Variants in XPO7 observed in about 807,000 individuals in gnomAD.
XPO7 encodes exportin-7.
XPO7 carries 21 observed loss-of-function variants against 144.3 expected under a neutral mutation model. The ratio of observed to expected loss-of-function variants is 0.15; its 90% CI spans 0.10 to 0.21. The LOEUF is 0.21. XPO7 is among the 10% of genes least tolerant of loss of function. The pLI is 1.00. For synonymous variants in XPO7, 580 were observed against 499.6 expected (o/e 1.16, Z -2.15); for missense variants, 808 against 1,325.8 (o/e 0.61, Z 6.06).
intron 1 of XPO7, among the ~76,000 whole-genome samples, chr8:21,953,913 A>G (rs1052146539): frequency 3.3e-5 from 5 of 152,182 alleles, no homozygotes; most frequent in Admixed American, 6.5e-5. Context: ...GTCCTGTATC[A>G]GATTTTTGCA....
At chr8:21,990,663 G>T in intron 17 of XPO7, 148 bp from the exon 18 acceptor site, 1 of 808,518 alleles carries the variant, frequency 1.2e-6, no homozygotes, top group Non-Finnish European at 1.9e-6. Context: ...ACGGTAGCCT[G>T]CCTTCAAAAA....
chr8:21,984,856 C>T lies in XPO7; in HGVS notation c.1471+17C>T. 1 of 1,612,102 alleles carries T rather than the reference C, an allele frequency of 6.2e-7. No homozygotes were observed. Among genetic ancestry groups the T allele is most frequent in the Non-Finnish European group, 8.5e-7 (1 of 1,179,314 alleles). ...TGCAGGAGGGTGAGTGTGCAGCGTG[C>T]TGGGAACTCTAGACCTGTGAGGAGA... On this transcript the variant is annotated intron_variant, in intron 12 of 27. Transcript: ENST00000252512.
At chr8:21,996,985 T>G (rs1181825377) in intron 21 of XPO7, among the ~76,000 whole-genome samples, 2 of 152,106 alleles carry the variant, frequency 1.3e-5, no homozygotes, top group Non-Finnish European at 2.9e-5. Context: ...ATTTTCTATT[T>G]TTAGTAGAGA....
intron 1 of XPO7, among the ~76,000 whole-genome samples, chr8:21,965,276 A>G (rs190563402): frequency 1.3e-5 from 2 of 152,246 alleles, no homozygotes; most frequent in East Asian, 3.9e-4. Context: ...TTCAATTCTC[A>G]ATAAGGTCTT....
intron 1 of XPO7, among the ~76,000 whole-genome samples, chr8:21,949,617 C>T (rs576779616): frequency 6.6e-6 from 1 of 152,288 alleles, no homozygotes; most frequent in Admixed American, 6.5e-5. Context: ...GTGTTAAAGG[C>T]CACGTGGTTC....
At chr8:21,975,484 T>C (rs1812198180) in intron 6 of XPO7, among the ~76,000 whole-genome samples, 1 of 152,208 alleles carries the variant, frequency 6.6e-6, no homozygotes, top group Non-Finnish European at 1.5e-5. Context: ...CTAAATAGGG[T>C]TAGCCTCTGG....
At chr8:21,952,011 T>A (rs1016428060) in intron 1 of XPO7, among the ~76,000 whole-genome samples, 4 of 152,136 alleles carry the variant, frequency 2.6e-5, no homozygotes, top group Non-Finnish European at 5.9e-5. Context: ...TGTGCAAAAA[T>A]GTGGCGTTAA....
At chr8:21,933,760 A>G (rs1810730715) in intron 1 of XPO7, among the ~76,000 whole-genome samples, 2 of 152,204 alleles carry the variant, frequency 1.3e-5, no homozygotes, top group Non-Finnish European at 2.9e-5. Flanking sequence ...CTGTGTGTCC[A>G]TGGTATTCAG....
At chr8:21,979,551 G>A (rs1223792725) in intron 8 of XPO7, among the ~76,000 whole-genome samples, 2 of 151,726 alleles carry the variant, frequency 1.3e-5, no homozygotes. Context: ...GGGATTACAC[G>A]TGCCTGCCAC....
chr8:21,939,116 C>G (rs949604685), intron 1 of XPO7, among the ~76,000 whole-genome samples: 2 of 151,844 alleles, frequency 1.3e-5, no homozygotes, highest in Non-Finnish European at 2.9e-5. Context: ...CTCTTCTATT[C>G]TTATTTTGTT....
intron 1 of XPO7, among the ~76,000 whole-genome samples, chr8:21,958,446 A>G (rs1328191043): frequency 6.6e-6 from 1 of 152,208 alleles, no homozygotes; most frequent in Non-Finnish European, 1.5e-5. Flanking sequence ...AAGCACAGTA[A>G]CTCATGACTG....
intron 1 of XPO7, among the ~76,000 whole-genome samples, chr8:21,922,363 T>C (rs552816217): frequency 1.3e-5 from 2 of 152,214 alleles, no homozygotes; most frequent in Admixed American, 6.5e-5. Flanking sequence ...CTGTTGATGT[T>C]ACAGGCAAGT....
At position 21,951,101 on chromosome 8, in the gene XPO7, A is replaced by G. The variant is rs1811355692; in HGVS notation, c.19-15756A>G. On this transcript the variant is annotated intron_variant, in intron 1 of 27. Transcript: ENST00000252512. ...ACAGAGCGAGTAAATTTAATTAATT[A>G]ATTAATTAATTAATTAAGGAAGTAC... Among the ~76,000 whole-genome samples the G allele has an allele frequency of 3.9e-5, 6 of 152,048 alleles. No homozygotes were observed. In the South Asian group the frequency reaches 1.2e-3, roughly 32 times the overall value.
intron 19 of XPO7, among the ~76,000 whole-genome samples, chr8:21,992,903 C>G (rs910282939): frequency 6.6e-6 from 1 of 152,120 alleles, no homozygotes; most frequent in Non-Finnish European, 1.5e-5. Flanking sequence ...CTCAGGGCAC[C>G]AAGGCTGAAT....
intron 1 of XPO7, among the ~76,000 whole-genome samples, chr8:21,948,183 A>G (rs1291877500): frequency 6.6e-6 from 1 of 152,250 alleles, no homozygotes; most frequent in Admixed American, 6.5e-5. Flanking sequence ...GCAGTCATGC[A>G]CTGAATAGTG....
chr8:21,966,410 A>G (rs1418588783), intron 1 of XPO7: 3 of 706,168 alleles, frequency 4.2e-6, no homozygotes, highest in Admixed American at 2.2e-5. Flanking sequence ...ACTACTACTC[A>G]AAGGAATATT....
At chr8:21,936,230 A>G (rs1810817975) in intron 1 of XPO7, among the ~76,000 whole-genome samples, 2 of 152,028 alleles carry the variant, frequency 1.3e-5, no homozygotes, top group African/African-American at 2.4e-5. Context: ...AGCACCCTCA[A>G]GTCATTCCGA....
chr8:21,991,090 C>G (rs1373663092), intron 18 of XPO7, among the ~76,000 whole-genome samples, 171 bp downstream of exon 18: 2 of 152,172 alleles, frequency 1.3e-5, no homozygotes, highest in African/African-American at 4.8e-5. Context: ...TGTCGAGGTC[C>G]TTATAACTGG....
chr8:21,987,942 T>G (rs1812635635), intron 15 of XPO7, 85 bp downstream of exon 15: 1 of 1,372,822 alleles, frequency 7.3e-7, no homozygotes, highest in Non-Finnish European at 1.0e-6. Context: ...GTGCTGCCAG[T>G]GCCTGGTATT....
Sources: gnomAD v4.1 joint callset for allele counts (sites outside exome capture counted in the v4.1 genomes callset) on GRCh38, gnomAD v4.1.1 for gene constraint, MANE v1.5 for transcripts, NCBI Gene and HGNC (gene_info 2026-07-23, HGNC 2026-07-21) for gene names.